DGKI: variants seen among roughly 807,000 people sequenced by gnomAD.
DGKI encodes DAG kinase iota.
In DGKI, 55 loss-of-function variants were observed where a neutral mutation model predicts 147.5. The ratio of observed to expected loss-of-function variants is 0.37; its 90% confidence interval spans 0.30 to 0.47. The LOEUF is 0.47. DGKI is among the 20% of genes least tolerant of loss of function. The pLI is 1.00. For missense variants in DGKI, 1,007 were observed against 1,323.8 expected, an observed-to-expected ratio of 0.76 and a Z score of 3.71; for synonymous variants, 469 against 477.1, an observed-to-expected ratio of 0.98 and a Z score of 0.22.
At chr7:137,610,945 G>T (rs995038631) in intron 8 of DGKI, among the ~76,000 whole-genome samples, 1 of 152,098 alleles carries the variant, frequency 6.6e-6, no homozygotes, top group African/African-American at 2.4e-5. Context: ...AAGATCTCAG[G>T]ATCTCAGAGT....
chr7:137,797,101 A>C (rs1184287344), intron 1 of DGKI, among the ~76,000 whole-genome samples: 1 of 152,226 alleles, frequency 6.6e-6, no homozygotes, highest in Non-Finnish European at 1.5e-5. Flanking sequence ...TAACACTAAC[A>C]GCTGACTTAT....
chr7:137,766,864 C>T (rs920312308), intron 1 of DGKI, among the ~76,000 whole-genome samples: 1 of 152,180 alleles, frequency 6.6e-6, no homozygotes, highest in African/African-American at 2.4e-5. Flanking sequence ...ACACCTGCAG[C>T]AGGTGCACAG....
At chr7:137,676,574 C>A (rs2116382113) in intron 3 of DGKI, among the ~76,000 whole-genome samples, 1 of 152,248 alleles carries the variant, frequency 6.6e-6, no homozygotes. Flanking sequence ...CTTCATTTAA[C>A]CAACATTTTT....
chr7:137,799,975 G>A (rs1174837133), intron 1 of DGKI, among the ~76,000 whole-genome samples: 1 of 152,094 alleles, frequency 6.6e-6, no homozygotes, highest in African/African-American at 2.4e-5. Context: ...TTTCAGTACG[G>A]TTCTCTCTAG....
At chr7:137,777,214 C>T (rs963179934) in intron 1 of DGKI, among the ~76,000 whole-genome samples, 16 of 151,636 alleles carry the variant, frequency 1.1e-4, no homozygotes, top group African/African-American at 3.6e-4. Flanking sequence ...AAGGATGAGG[C>T]GGGAGAAACT....
At chr7:137,520,359 A>G (rs2128951883) in intron 21 of DGKI, among the ~76,000 whole-genome samples, 1 of 152,268 alleles carries the variant, frequency 6.6e-6, no homozygotes, top group South Asian at 2.1e-4. Flanking sequence ...AGTAACCTTT[A>G]GAACTCAATT....
intron 1 of DGKI, among the ~76,000 whole-genome samples, chr7:137,767,262 A>G (rs2116831607): frequency 6.6e-6 from 1 of 152,322 alleles, no homozygotes; most frequent in South Asian, 2.1e-4. Flanking sequence ...CTGAAAAATA[A>G]AAGAACAGAA....
Position 137,463,314 on chromosome 7 carries a change from T to C in DGKI, c.2735+175A>G, listed in dbSNP as rs552754255. ...GGAAGGTGGAGTTCCATGAACGGTT[T>C]GGGGTAGATAAATATGAGCAAGGTG... On this transcript the variant is annotated intron_variant, in intron 27 of 32. Coordinates refer to ENST00000614521, the MANE Select transcript of DGKI (RefSeq NM_001321708.2). Among the ~76,000 whole-genome samples, 30 of 152,194 alleles carry C rather than the reference T, an allele frequency of 2.0e-4. 1 individual carries two copies. Among genetic ancestry groups the C allele is most frequent in the Admixed American group, 1.7e-3 (26 of 15,302 alleles).
intron 23 of DGKI, among the ~76,000 whole-genome samples, chr7:137,476,578 A>T (rs1815179635): frequency 6.6e-6 from 1 of 152,200 alleles, no homozygotes; most frequent in Non-Finnish European, 1.5e-5. Context: ...ACTGCCATAG[A>T]GATAATTTAG....
At chr7:137,522,055 T>C (rs971297083) in intron 20 of DGKI, 89 bp from the exon 21 acceptor site, 2 of 889,212 alleles carry the variant, frequency 2.2e-6, no homozygotes, top group Non-Finnish European at 3.5e-6. Context: ...ATATTGTCTC[T>C]TCATGTTTAG....
chr7:137,783,872 A>G (rs1796591392), intron 1 of DGKI, among the ~76,000 whole-genome samples: 1 of 152,228 alleles, frequency 6.6e-6, no homozygotes, highest in African/African-American at 2.4e-5. Context: ...GTATCCAGTG[A>G]AACTAAGCTT....
At chr7:137,400,633 G>A (rs570672833) in intron 30 of DGKI, among the ~76,000 whole-genome samples, 1 of 152,162 alleles carries the variant, frequency 6.6e-6, no homozygotes, top group Non-Finnish European at 1.5e-5. Context: ...AGTCAGGCAT[G>A]CCCGCGGCTA....
At chr7:137,815,365 C>A (rs146808923) in intron 1 of DGKI, among the ~76,000 whole-genome samples, 133 of 152,300 alleles carry the variant, frequency 8.7e-4, no homozygotes, top group Non-Finnish European at 1.6e-3. Flanking sequence ...GCTGGATTAG[C>A]TGCTCCCTTT....
intron 12 of DGKI, among the ~76,000 whole-genome samples, chr7:137,596,730 C>G (rs1182802825): frequency 2.0e-5 from 3 of 152,158 alleles, no homozygotes; most frequent in Non-Finnish European, 4.4e-5. Flanking sequence ...CACACAGTAT[C>G]TGAGAGACCA....
intron 1 of DGKI, among the ~76,000 whole-genome samples, chr7:137,836,938 G>A (rs1050298796): frequency 3.9e-5 from 6 of 152,330 alleles, no homozygotes; most frequent in African/African-American, 1.2e-4. Flanking sequence ...CCTCAAGAGA[G>A]TTTGGTCTAA....
chr7:137,826,651 T>A (rs943890382), intron 1 of DGKI, among the ~76,000 whole-genome samples: 3 of 152,114 alleles, frequency 2.0e-5, no homozygotes, highest in African/African-American at 7.2e-5. Context: ...TATTGGAATC[T>A]GGGGGAAAAA....
chr7:137,558,882 T>C (rs2128969723), intron 19 of DGKI, among the ~76,000 whole-genome samples: 1 of 92,152 alleles, frequency 1.1e-5, no homozygotes, highest in African/African-American at 6.1e-5. Flanking sequence ...TGGTAAAACA[T>C]GCTGTAGGGA....
At chr7:137,435,884 C>T (rs1262655551) in intron 28 of DGKI, among the ~76,000 whole-genome samples, 3 of 152,082 alleles carry the variant, frequency 2.0e-5, no homozygotes, top group Non-Finnish European at 2.9e-5. Flanking sequence ...GGTTCAAATG[C>T]TTCTCTTCCC....
At chr7:137,576,171 G>C (rs964918748) in intron 17 of DGKI, among the ~76,000 whole-genome samples, 1 of 151,506 alleles carries the variant, frequency 6.6e-6, no homozygotes, top group African/African-American at 2.4e-5. Context: ...CCGAGTAGCT[G>C]GGACTACAGG....
Sources: allele counts gnomAD v4.1 joint callset (sites outside exome capture counted in the v4.1 genomes callset), GRCh38; gene constraint gnomAD v4.1.1; transcripts MANE v1.5; gene names NCBI Gene and HGNC (gene_info 2026-07-23, HGNC 2026-07-21).